Variants in PPP4R4 observed in about 807,000 individuals in gnomAD.
The protein encoded by PPP4R4 is serine/threonine-protein phosphatase 4 regulatory subunit 4.
Under a neutral mutation model 121.8 loss-of-function variants are expected in PPP4R4, and 70 were observed. The ratio of observed to expected loss-of-function variants is 0.57; its 90% CI spans 0.47 to 0.70. PPP4R4 has a LOEUF of 0.70. Among genes scored for constraint, PPP4R4 ranks in the 30% least tolerant of loss-of-function variants. The probability of loss-of-function intolerance (pLI) is 0.00; values close to 1 mark genes in which losing one functional copy is unlikely to be tolerated. For missense variants in PPP4R4, 875 were observed against 1,033.6 expected, an observed-to-expected ratio of 0.85 and a Z score of 2.10; for synonymous variants, 348 against 355.7, an observed-to-expected ratio of 0.98 and a Z score of 0.24.
chr14:94,231,841 A>G (rs1472532251), intron 5 of PPP4R4, among the ~76,000 whole-genome samples: 1 of 152,168 alleles, frequency 6.6e-6, no homozygotes, highest in Non-Finnish European at 1.5e-5. Flanking sequence ...GCTTTTGACT[A>G]ACAATATGTG....
At chr14:94,178,306 T>C (rs1466130570) in intron 2 of PPP4R4, among the ~76,000 whole-genome samples, 2 of 151,842 alleles carry the variant, frequency 1.3e-5, no homozygotes, top group African/African-American at 2.4e-5. Flanking sequence ...GCACTTTACC[T>C]TTTCCTCTGC....
chr14:94,181,194 A>G (rs1241943982), intron 2 of PPP4R4, among the ~76,000 whole-genome samples: 3 of 151,502 alleles, frequency 2.0e-5, no homozygotes, highest in Non-Finnish European at 4.4e-5. Context: ...GCTTCCTTTC[A>G]GTATTGTTTT....
Position 94,250,202 on chromosome 14 carries a change from C to T in PPP4R4, c.1642C>T (p.Arg548Ter), listed in dbSNP as rs906505403. Residue 548 changes from arginine (R) to a stop codon, truncating the protein, a stop_gained, in exon 15 of 25, where the codon CGA becomes TGA. Transcript: ENST00000304338. LOFTEE classifies it high-confidence loss of function. ...NVLPVQKAAS[R>*]TLCIFLRYNR... ...TTTACCTGTCCAAAAGGCGGCTTCACGAACTCTATGCATTTTTCTGCGTTA... is the reference window on the plus strand; with the variant it reads ...TTTACCTGTCCAAAAGGCGGCTTCATGAACTCTATGCATTTTTCTGCGTTA... 15 of 1,612,012 alleles carry T rather than the reference C, an allele frequency of 9.3e-6. No individual in the cohort carries two copies. Among genetic ancestry groups the T allele is most frequent in the Non-Finnish European group, 1.3e-5 (15 of 1,178,620 alleles).
chr14:94,174,967 C>A (rs1335374271), intron 1 of PPP4R4, among the ~76,000 whole-genome samples: 15 of 103,044 alleles, frequency 1.5e-4, no homozygotes, highest in Non-Finnish European at 4.1e-5. Flanking sequence ...GGACCCCCTT[C>A]CTTCCGCCCC....
chr14:94,274,157 A>G (rs940450648), intron 23 of PPP4R4, among the ~76,000 whole-genome samples: 3 of 152,112 alleles, frequency 2.0e-5, no homozygotes, highest in Non-Finnish European at 4.4e-5. Flanking sequence ...AAATTATACT[A>G]TACTCAAAAT....
At chr14:94,247,678 A>G (rs1892968943) in intron 14 of PPP4R4, among the ~76,000 whole-genome samples, 1 of 152,192 alleles carries the variant, frequency 6.6e-6, no homozygotes, top group African/African-American at 2.4e-5. Context: ...ATACTAGCAA[A>G]CCAAATCCAG....
At chr14:94,198,064 AT>A (rs1889979389) in intron 2 of PPP4R4, among the ~76,000 whole-genome samples, 1 of 152,314 alleles carries the variant, frequency 6.6e-6, no homozygotes, top group Non-Finnish European at 1.5e-5. Flanking sequence ...TAAGTATGGA[AT>A]ATCTGGGTGG....
intron 2 of PPP4R4, among the ~76,000 whole-genome samples, chr14:94,183,318 T>C (rs904742993): frequency 3.3e-5 from 5 of 152,216 alleles, no homozygotes; most frequent in Non-Finnish European, 5.9e-5. Context: ...CTTGCCTTTC[T>C]ACATGGAAAT....
chr14:94,182,462 A>G (rs1889044969), intron 2 of PPP4R4, among the ~76,000 whole-genome samples: 5 of 152,140 alleles, frequency 3.3e-5, no homozygotes, highest in African/African-American at 9.7e-5. Context: ...TAGCTACTCT[A>G]CTGACTTCTA....
chr14:94,242,500 G>A, intron 11 of PPP4R4, 92 bp downstream of exon 11: 1 of 1,213,680 alleles, frequency 8.2e-7, no homozygotes, highest in Admixed American at 2.3e-5. Context: ...ATAAGATATA[G>A]ACTGGATATC....
At chr14:94,255,394 C>T (rs1298133420) in intron 16 of PPP4R4, among the ~76,000 whole-genome samples, 2 of 152,068 alleles carry the variant, frequency 1.3e-5, no homozygotes, top group African/African-American at 2.4e-5. Context: ...TTCAGGAGAT[C>T]GAGACCATCC....
intron 2 of PPP4R4, among the ~76,000 whole-genome samples, chr14:94,187,351 A>G (rs1172774640): frequency 1.3e-5 from 2 of 152,316 alleles, no homozygotes; most frequent in East Asian, 3.9e-4. Context: ...CTACTTTAAT[A>G]TTCACATATT....
rs746608132 is a variant in PPP4R4, at chr14:94,230,608, G to T, written c.316G>T (p.Val106Leu). 79 of 1,612,852 alleles carry T rather than the reference G, an allele frequency of 4.9e-5. No homozygotes were observed. Among genetic ancestry groups the T allele is most frequent in the Non-Finnish European group, 6.3e-5 (74 of 1,179,002 alleles). The change falls in exon 4 of 25, where the codon GTG (valine) becomes TTG (leucine). Residue 106 changes from valine to leucine, a missense_variant. By Grantham distance (32) the Val-to-Leu change is conservative (BLOSUM62 1). Transcript: ENST00000304338. ...ACAGGAAGCCCTGCATGTTGCAGGA[G>T]TGGAAATGCAGTTAACGGCTGCGAT... ...KVREALHVAGVEMQLTAAMSF... is the reference protein window; with the variant it reads ...KVREALHVAGLEMQLTAAMSF...
intron 6 of PPP4R4, 113 bp downstream of exon 6, chr14:94,233,872 T>A: frequency 1.5e-6 from 1 of 685,746 alleles, no homozygotes; most frequent in Non-Finnish European, 2.5e-6. Flanking sequence ...TTTAGTTATC[T>A]TAACTATTTT....
intron 19 of PPP4R4, among the ~76,000 whole-genome samples, chr14:94,263,985 G>GA (rs1893907891): frequency 6.6e-6 from 1 of 152,118 alleles, no homozygotes; most frequent in African/African-American, 2.4e-5. Context: ...AACTTGCTGT[G>GA]TTTGTTGATT....
intron 8 of PPP4R4, among the ~76,000 whole-genome samples, chr14:94,238,681 G>A (rs1051317226): frequency 6.6e-6 from 1 of 152,196 alleles, no homozygotes; most frequent in Admixed American, 6.5e-5. Context: ...TTTTGATAAA[G>A]AGAAATTTGG....
intron 9 of PPP4R4, among the ~76,000 whole-genome samples, 170 bp from the exon 10 acceptor site, chr14:94,241,618 C>T (rs1336604981): frequency 6.6e-6 from 1 of 151,994 alleles, no homozygotes. Context: ...ATAATGTGAT[C>T]TGTTAGATTC....
chr14:94,250,119 A>G, intron 14 of PPP4R4, 53 bp from the exon 15 acceptor site: 1 of 1,224,442 alleles, frequency 8.2e-7, no homozygotes, highest in East Asian at 2.3e-5. Context: ...GGGTCAAATT[A>G]TCTAGACTAG....
intron 24 of PPP4R4, among the ~76,000 whole-genome samples, chr14:94,277,385 G>A (rs1264066124): frequency 6.6e-6 from 1 of 152,174 alleles, no homozygotes; most frequent in East Asian, 1.9e-4. Context: ...CAGCAGCTAA[G>A]TGGTTGTGCA....
Sources: allele counts gnomAD v4.1 joint callset (sites outside exome capture counted in the v4.1 genomes callset), GRCh38; gene constraint gnomAD v4.1.1; transcripts MANE v1.5; gene names NCBI Gene and HGNC (gene_info 2026-07-23, HGNC 2026-07-21).